Variants in RRH observed in about 807,000 individuals in gnomAD.
The protein encoded by RRH is visual pigment-like receptor peropsin.
In RRH, 36 loss-of-function variants were observed where a neutral mutation model predicts 33.1. The observed-to-expected ratio is 1.09, with a 90% CI of 0.83 to 1.44. The LOEUF is 1.44. Ranked by LOEUF, RRH falls within the 40% of genes most tolerant of loss-of-function variation. The pLI is 0.00. For missense variants in RRH, 393 were observed against 420.2 expected, an observed-to-expected ratio of 0.94 and a Z score of 0.57; for synonymous variants, 124 against 140.2, an observed-to-expected ratio of 0.88 and a Z score of 0.82.
At chr4:109,830,779 G>C (rs899961127) in intron 1 of RRH, among the ~76,000 whole-genome samples, 8 of 152,034 alleles carry the variant, frequency 5.3e-5, no homozygotes, top group African/African-American at 1.7e-4. Context: ...TAGGACAGAA[G>C]GTTGGACAAT....
rs1734040851 is a variant in RRH at position 109,844,302 on chromosome 4, T to A, written c.*105T>A. The A allele has an allele frequency of 1.3e-6, 1 of 746,278 alleles. No homozygotes were observed. The highest frequency in any genetic ancestry group is 1.9e-5 in the Admixed American group (1 of 52,756). The allele number at this position is 746,278 out of a possible 1,614,324, so 46.2% of individuals were successfully genotyped here. ...CAAGTGCAGACATGGATCATTGTCC[T>A]ATGAGAGTGTAAGCTCCTCAAGCAC... On this transcript the variant is annotated 3_prime_UTR_variant, in exon 7 of 7. Coordinates refer to ENST00000317735, the MANE Select transcript of RRH (RefSeq NM_006583.5).
chr4:109,837,885 C>T (rs1316080848), intron 5 of RRH, among the ~76,000 whole-genome samples: 4 of 152,258 alleles, frequency 2.6e-5, no homozygotes, highest in Non-Finnish European at 5.9e-5. Flanking sequence ...AAGTGATTCT[C>T]CTGCCTCAGC....
chr4:109,842,625 A>T lies in RRH; in HGVS notation c.877A>T (p.Ile293Phe), dbSNP rs578193152. 5.0e-6 allele frequency: 8 copies of T among 1,613,876 alleles called. No individual in the cohort carries two copies. Among genetic ancestry groups the T allele is most frequent in the Non-Finnish European group, 5.9e-6 (7 of 1,179,766 alleles). The change falls in exon 6 of 7, where the codon ATT (isoleucine) becomes TTT (phenylalanine). Residue 293 changes from isoleucine (I) to phenylalanine (F), a missense_variant. By Grantham distance (21) the Ile-to-Phe change is conservative (BLOSUM62 0). Transcript: ENST00000317735. Reference sequence around the variant, plus strand: ...ATCTTCTACATTCTATAACCCCTGCATTTATGTGGTTGCTAATAAAAAGTA... The same window carrying T: ...ATCTTCTACATTCTATAACCCCTGCTTTTATGTGGTTGCTAATAAAAAGTA... The part of the protein sequence containing the change: ...AKSSTFYNPC[I>F]YVVANKKFRR...
intron 5 of RRH, among the ~76,000 whole-genome samples, chr4:109,838,007 T>C (rs575326759): frequency 2.8e-4 from 42 of 152,300 alleles, no homozygotes; most frequent in African/African-American, 9.4e-4. Context: ...CTTGATCTCT[T>C]GACCTCAGGC....
At chr4:109,835,612 G>C (rs1383079226) in intron 3 of RRH, 147 bp downstream of exon 3, 13 of 723,362 alleles carry the variant, frequency 1.8e-5, no homozygotes, top group Admixed American at 6.4e-5. Context: ...TGTTTCAATG[G>C]CTTCTTATTG....
intron 5 of RRH, among the ~76,000 whole-genome samples, chr4:109,840,389 T>A (rs1381190836): frequency 1.3e-5 from 2 of 152,208 alleles, no homozygotes; most frequent in South Asian, 2.1e-4. Context: ...ATGCACAGAT[T>A]GCAAAAATTT....
chr4:109,836,891 C>CAAAAAAAAAAAAAAAAAAAAAAA (rs56989659), intron 4 of RRH, among the ~76,000 whole-genome samples: 18 of 84,406 alleles, frequency 2.1e-4, no homozygotes, highest in African/African-American at 8.3e-4. Flanking sequence ...CCTGTCTCTA[C>CAAAAAAAAAAAAAAAAAAAAAAA]AAAAAAAAAA....
rs762601356 is a variant in RRH, at chr4:109,842,545, G to A, written c.797G>A (p.Gly266Asp). The A allele has an allele frequency of 3.7e-6, 6 of 1,613,770 alleles. No homozygotes were observed. The highest frequency in any genetic ancestry group is 5.1e-6 in the Non-Finnish European group (6 of 1,179,954). Residue 266 changes from glycine (G) to aspartate (D), a missense_variant, in exon 6 of 7, where the codon GGT becomes GAT. Gly to Asp is a moderately conservative substitution (Grantham distance 94). Coordinates refer to ENST00000317735, the MANE Select transcript of RRH (RefSeq NM_006583.5). ...ATCGTGTGCTTATGGGCTTCTTTTG[G>A]TGACCCAAAGAAGATTCCTCCCCCC... ...YSIVCLWASF[G>D]DPKKIPPPMA...
At chr4:109,840,194 T>A (rs971241534) in intron 5 of RRH, among the ~76,000 whole-genome samples, 5 of 152,192 alleles carry the variant, frequency 3.3e-5, no homozygotes, top group African/African-American at 1.2e-4. Flanking sequence ...ATTGTGGTTT[T>A]GATTTGCATT....
intron 4 of RRH, 152 bp from the exon 5 acceptor site, chr4:109,837,285 C>A: frequency 1.4e-6 from 1 of 729,382 alleles, no homozygotes. Context: ...TTGCCAATTC[C>A]GGGCCTAAAT....
chr4:109,843,691 A>G (rs567154819), intron 6 of RRH, among the ~76,000 whole-genome samples: 1 of 152,362 alleles, frequency 6.6e-6, no homozygotes, highest in Admixed American at 6.5e-5. Flanking sequence ...GAACAGATGG[A>G]TGAAATACAC....
chr4:109,840,382 C>G (rs1311433545), intron 5 of RRH, among the ~76,000 whole-genome samples: 1 of 152,022 alleles, frequency 6.6e-6, no homozygotes, highest in Non-Finnish European at 1.5e-5. Context: ...TTGTCAGATG[C>G]ACAGATTGCA....
chr4:109,843,336 G>A lies in RRH; in HGVS notation c.899+689G>A, dbSNP rs144576507. Among the ~76,000 whole-genome samples, 994 of 152,182 alleles carry A rather than the reference G, an allele frequency of 6.5e-3. 10 individuals are homozygous for A. The highest frequency in any genetic ancestry group is 0.022 in the African/African-American group (918 of 41,510). On this transcript the variant is annotated intron_variant, in intron 6 of 6. Coordinates refer to ENST00000317735, the MANE Select transcript of RRH (RefSeq NM_006583.5). ...AAGCAATTCCCTGCCTCAGCCTCCC[G>A]AGTAGCTGGGATTACAGGTGCCCGC...
intron 5 of RRH, among the ~76,000 whole-genome samples, chr4:109,838,057 G>A (rs968375837): frequency 2.6e-5 from 4 of 152,202 alleles, no homozygotes; most frequent in African/African-American, 9.7e-5. Flanking sequence ...TGGGATTACA[G>A]GTGTGAGCCA....
At chr4:109,831,879 G>A (rs1394877074) in intron 1 of RRH, among the ~76,000 whole-genome samples, 1 of 152,076 alleles carries the variant, frequency 6.6e-6, no homozygotes, top group African/African-American at 2.4e-5. Flanking sequence ...GATTCTGCCA[G>A]AAGCAAGGAG....
chr4:109,835,282 G>C, intron 2 of RRH, 84 bp from the exon 3 acceptor site: 1 of 849,898 alleles, frequency 1.2e-6, no homozygotes, highest in Non-Finnish European at 2.0e-6. Flanking sequence ...GTATATTTGA[G>C]ATATATTCTA....
At chr4:109,842,354 TCAAAAAC>T (rs1734000296) in intron 5 of RRH, 108 bp from the exon 6 acceptor site, 4 of 1,005,468 alleles carry the variant, frequency 4.0e-6, no homozygotes, top group Non-Finnish European at 5.9e-6. Flanking sequence ...CTTTATGTCA[TCAAAAAC>T]ATAAACATAT....
chr4:109,828,157 T>C (rs1733675241), intron 1 of RRH, 24 bp downstream of exon 1: 1 of 1,507,154 alleles, frequency 6.6e-7, no homozygotes, highest in African/African-American at 1.4e-5. Context: ...AGTAAGTTAT[T>C]TTTCTTTAGA....
intron 5 of RRH, among the ~76,000 whole-genome samples, chr4:109,840,976 C>CA (rs982092858): frequency 2.0e-5 from 3 of 151,894 alleles, no homozygotes; most frequent in African/African-American, 4.8e-5. Context: ...ATCTGCTAAT[C>CA]AAAAAAATTT....
Sources: gnomAD v4.1 joint callset for allele counts (sites outside exome capture counted in the v4.1 genomes callset) on GRCh38, gnomAD v4.1.1 for gene constraint, MANE v1.5 for transcripts, NCBI Gene and HGNC (gene_info 2026-07-23, HGNC 2026-07-21) for gene names.